The following CCDC39 variants were observed in gnomAD, a reference collection of about 807,000 sequenced individuals.
CCDC39 encodes coiled-coil domain-containing protein 39.
Under a neutral mutation model 121.0 loss-of-function variants are expected in CCDC39, and 113 were observed. The observed-to-expected ratio is 0.93, with a 90% CI of 0.80 to 1.09. The LOEUF (loss-of-function observed/expected upper bound fraction) is 1.09, where lower values mean the gene tolerates loss of function less well. Ranked by LOEUF, CCDC39 falls within the 50% of genes least tolerant of loss-of-function variation. The pLI is 0.00. For synonymous variants in CCDC39, 349 were observed against 352.2 expected, an observed-to-expected ratio of 0.99 and a Z score of 0.10; for missense variants, 1,063 against 1,074.7, an observed-to-expected ratio of 0.99 and a Z score of 0.15.
chr3:180,627,928 G>A (rs1219051792), intron 14 of CCDC39, among the ~76,000 whole-genome samples: 1 of 152,136 alleles, frequency 6.6e-6, no homozygotes, highest in Non-Finnish European at 1.5e-5. Context: ...GTTAAATGGA[G>A]GTCATTAGGT....
At chr3:180,626,400 A>G (rs1413448043) in intron 14 of CCDC39, among the ~76,000 whole-genome samples, 1 of 152,026 alleles carries the variant, frequency 6.6e-6, no homozygotes, top group Non-Finnish European at 1.5e-5. Context: ...GGTTCCCAGG[A>G]CACTGGCAGA....
chr3:180,637,368 AT>A (rs1387647839), intron 13 of CCDC39, among the ~76,000 whole-genome samples: 2 of 152,228 alleles, frequency 1.3e-5, no homozygotes, highest in African/African-American at 2.4e-5. Context: ...CCACAACGAG[AT>A]ACCATCTCAC....
chr3:180,644,810 G>A (rs1421641732), intron 11 of CCDC39, among the ~76,000 whole-genome samples: 1 of 152,142 alleles, frequency 6.6e-6, no homozygotes, highest in Non-Finnish European at 1.5e-5. Flanking sequence ...ATTTTTCTGA[G>A]TATTTTCAAT....
chr3:180,624,126 G>C (rs1717497345), intron 14 of CCDC39, among the ~76,000 whole-genome samples: 1 of 151,994 alleles, frequency 6.6e-6, no homozygotes, highest in Non-Finnish European at 1.5e-5. Context: ...ATATAATTAG[G>C]ATTGTTATAT....
intron 10 of CCDC39, 61 bp from the exon 11 acceptor site, chr3:180,647,304 A>C (rs1718094211): frequency 2.9e-6 from 4 of 1,397,568 alleles, no homozygotes; most frequent in Non-Finnish European, 3.8e-6. Context: ...CTACAAGTGT[A>C]AAAACAAAGT....
chr3:180,655,161 CTG>C (rs1472242785), intron 6 of CCDC39, among the ~76,000 whole-genome samples: 1 of 152,010 alleles, frequency 6.6e-6, no homozygotes, highest in Non-Finnish European at 1.5e-5. Flanking sequence ...TTAAATGTCT[CTG>C]TTTTCTTTCA....
At chr3:180,657,647 G>C (rs1045291944) in intron 6 of CCDC39, among the ~76,000 whole-genome samples, 5 of 152,148 alleles carry the variant, frequency 3.3e-5, no homozygotes, top group African/African-American at 1.2e-4. Context: ...TGCCTCAGCA[G>C]ATACTATAAC....
At chr3:180,622,734 A>G (rs1270048617) in intron 14 of CCDC39, among the ~76,000 whole-genome samples, 1 of 152,132 alleles carries the variant, frequency 6.6e-6, no homozygotes, top group African/African-American at 2.4e-5. Flanking sequence ...GCATATACTA[A>G]ACCATCCTTT....
chr3:180,644,343 ATTAAATTATATACTCAG>A, intron 11 of CCDC39, 86 bp from the exon 12 acceptor site: 2 of 712,938 alleles, frequency 2.8e-6, no homozygotes, highest in Non-Finnish European at 4.3e-6. Flanking sequence ...TATATCTTAC[ATTAAATTATATACTCAG>A]ATATTTAAAA....
At chr3:180,617,378 A>G (rs1717286385) in intron 16 of CCDC39, 4 of 588,960 alleles carry the variant, frequency 6.8e-6, no homozygotes, top group Non-Finnish European at 1.2e-5. Context: ...ATTATTTTAC[A>G]GTGTACTCCT....
chr3:180,644,247 T>C lies in CCDC39; in HGVS notation c.1538A>G (p.Tyr513Cys), dbSNP rs1175619471. ...TQIKKLHNDL[Y>C]FIKKAHSKNS... ...TTTACTATGTGCCTTCTTGATAAAA[T>C]AAAGATCATTCTGCAAAAAAGAAAA... The change falls in exon 12 of 20, where the codon TAT becomes TGT. Residue 513 changes from tyrosine (Y) to cysteine (C), a missense_variant. Physicochemically the swap from Tyr to Cys is radical, Grantham distance 194. Transcript: ENST00000476379. The C allele has an allele frequency of 5.3e-6, 8 of 1,518,630 alleles. No homozygotes were observed. The highest frequency in any genetic ancestry group is 7.1e-6 in the Non-Finnish European group (8 of 1,134,014). 94.1% of individuals were successfully genotyped at this position (1,518,630 alleles called of 1,614,324 possible).
intron 19 of CCDC39, 73 bp downstream of exon 19, chr3:180,616,208 T>C: frequency 7.9e-7 from 1 of 1,270,014 alleles, no homozygotes; most frequent in Non-Finnish European, 1.1e-6. Flanking sequence ...GCTGCGGTGA[T>C]GTAGAAGTGG....
Position 180,679,176 on chromosome 3 carries a change from G to T in CCDC39, c.90+115C>A. ...GGCGATGGTGCGGGGGAGTGTTAGAGGAAGCACAGGATTAGGAAAGGAGAG... is the reference window on the plus strand; with the variant it reads ...GGCGATGGTGCGGGGGAGTGTTAGATGAAGCACAGGATTAGGAAAGGAGAG... On this transcript the variant is annotated intron_variant, in intron 1 of 19. Transcript: ENST00000476379. This position sits in a 1 kb window ranked among gnomAD's most constrained non-coding sequence, Gnocchi z 4.0. 1 of 805,454 alleles carries T rather than the reference G, an allele frequency of 1.2e-6. No individual in the cohort carries two copies. Among genetic ancestry groups the T allele is most frequent in the Non-Finnish European group, 2.2e-6 (1 of 447,934 alleles). The allele number at this position is 805,454 out of a possible 1,614,324, so 49.9% of individuals were successfully genotyped here.
intron 16 of CCDC39, chr3:180,617,423 G>A: frequency 1.5e-6 from 1 of 672,604 alleles, no homozygotes; most frequent in Non-Finnish European, 2.7e-6. Context: ...AACAGCCTCA[G>A]GCAGGTCCTT....
chr3:180,618,845 G>A (rs1474041390), intron 16 of CCDC39, among the ~76,000 whole-genome samples: 1 of 152,046 alleles, frequency 6.6e-6, no homozygotes, highest in Non-Finnish European at 1.5e-5. Context: ...CTTTGCTATT[G>A]TGAATAGACA....
chr3:180,657,344 G>C (rs752690417), intron 6 of CCDC39, among the ~76,000 whole-genome samples: 1 of 152,150 alleles, frequency 6.6e-6, no homozygotes, highest in African/African-American at 2.4e-5. Context: ...TGTGACCAGG[G>C]AGCTACTAGT....
At chr3:180,662,781 T>C (rs1262664028) in intron 2 of CCDC39, among the ~76,000 whole-genome samples, 1 of 152,216 alleles carries the variant, frequency 6.6e-6, no homozygotes, top group African/African-American at 2.4e-5. Flanking sequence ...TTTATTAAAT[T>C]TGTAACTTTC....
intron 4 of CCDC39, 45 bp from the exon 5 acceptor site, chr3:180,659,814 A>C (rs1377089929): frequency 1.3e-5 from 17 of 1,296,330 alleles, no homozygotes; most frequent in Non-Finnish European, 6.5e-6. Context: ...TCATTCTATT[A>C]ATTTAAATGT....
chr3:180,628,705 G>C (rs1161801777), intron 14 of CCDC39, among the ~76,000 whole-genome samples: 1 of 152,102 alleles, frequency 6.6e-6, no homozygotes, highest in Non-Finnish European at 1.5e-5. Context: ...ATATATAAAT[G>C]AATAAGTGTA....
Sources: allele counts gnomAD v4.1 joint callset (sites outside exome capture counted in the v4.1 genomes callset), GRCh38; gene constraint gnomAD v4.1.1; non-coding constraint Gnocchi (gnomAD v3.1); transcripts MANE v1.5; gene names NCBI Gene and HGNC (gene_info 2026-07-23, HGNC 2026-07-21).